FUT9: variants seen among roughly 807,000 people sequenced by gnomAD.
FUT9 encodes the protein 4-galactosyl-N-acetylglucosaminide 3-alpha-L-fucosyltransferase 9.
In FUT9, 15 loss-of-function variants were observed where a neutral mutation model predicts 29.7. That is an observed-to-expected ratio of 0.51 (90% CI 0.34 to 0.78). The LOEUF (loss-of-function observed/expected upper bound fraction) is 0.78. Among genes scored for constraint, FUT9 ranks in the 30% least tolerant of loss-of-function variants. FUT9 has a pLI of 0.01. For missense variants in FUT9, 319 were observed against 425.4 expected, an observed-to-expected ratio of 0.75 and a Z score of 2.20; for synonymous variants, 169 against 153.7, an observed-to-expected ratio of 1.10 and a Z score of -0.74.
intron 2 of FUT9, among the ~76,000 whole-genome samples, chr6:96,170,150 C>T (rs1562150536): frequency 6.6e-6 from 1 of 152,118 alleles, no homozygotes; most frequent in Non-Finnish European, 1.5e-5. Context: ...AGCTCAATTT[C>T]ACTTTGCCAT....
At chr6:96,159,673 A>G (rs990875426) in intron 2 of FUT9, among the ~76,000 whole-genome samples, 3 of 152,130 alleles carry the variant, frequency 2.0e-5, no homozygotes, top group Non-Finnish European at 4.4e-5. Flanking sequence ...TGCTGGAGCC[A>G]GGATCCAAGT....
At chr6:96,026,444 GT>G (rs1333520436) in intron 1 of FUT9, among the ~76,000 whole-genome samples, 6 of 151,614 alleles carry the variant, frequency 4.0e-5, no homozygotes, top group African/African-American at 1.5e-4. Flanking sequence ...CATAGGGCGT[GT>G]TAAAGAATTG....
intron 2 of FUT9, among the ~76,000 whole-genome samples, chr6:96,172,101 T>A (rs1057135560): frequency 3.3e-5 from 5 of 152,068 alleles, no homozygotes; most frequent in Non-Finnish European, 7.4e-5. Flanking sequence ...TGGTGAAGGA[T>A]CTCTTCTGTT....
At chr6:96,040,353 A>G (rs1284613851) in intron 1 of FUT9, among the ~76,000 whole-genome samples, 1 of 152,216 alleles carries the variant, frequency 6.6e-6, no homozygotes, top group Non-Finnish European at 1.5e-5. Flanking sequence ...TAAAAAGAGC[A>G]CTGCTTATTA....
chr6:96,142,516 A>G (rs952408002), intron 2 of FUT9, among the ~76,000 whole-genome samples: 4 of 152,212 alleles, frequency 2.6e-5, no homozygotes, highest in Admixed American at 6.5e-5. Context: ...ACAGACTTCA[A>G]TGAAGTGCTA....
intron 2 of FUT9, among the ~76,000 whole-genome samples, chr6:96,143,923 A>C (rs1772515528): frequency 6.6e-6 from 1 of 152,112 alleles, no homozygotes; most frequent in Non-Finnish European, 1.5e-5. Context: ...AATTTTTACC[A>C]CTTGGAAATA....
chr6:96,025,567 C>T (rs1770153528), intron 1 of FUT9, among the ~76,000 whole-genome samples: 3 of 151,554 alleles, frequency 2.0e-5, no homozygotes, highest in South Asian at 2.1e-4. Flanking sequence ...TGTAAATAAG[C>T]GAGGTCGTGG....
intron 2 of FUT9, among the ~76,000 whole-genome samples, chr6:96,136,655 C>T (rs1469285135): frequency 6.6e-6 from 1 of 151,884 alleles, no homozygotes; most frequent in African/African-American, 2.4e-5. Flanking sequence ...GGAATATCTT[C>T]TTCACAGCAT....
At chr6:96,165,396 A>T (rs1364717548) in intron 2 of FUT9, among the ~76,000 whole-genome samples, 2 of 151,072 alleles carry the variant, frequency 1.3e-5, no homozygotes, top group Non-Finnish European at 1.5e-5. Flanking sequence ...ACACCACTGC[A>T]CTCCAGCCTG....
At chr6:96,199,607 T>G (rs1215386093) in intron 2 of FUT9, among the ~76,000 whole-genome samples, 2 of 152,060 alleles carry the variant, frequency 1.3e-5, no homozygotes, top group Non-Finnish European at 2.9e-5. Flanking sequence ...GATGCTAACT[T>G]TGAGACAAAA....
chr6:96,096,683 C>CGTGTGTGTGT (rs1485446008), intron 1 of FUT9, among the ~76,000 whole-genome samples: 1 of 5,150 alleles, frequency 1.9e-4, no homozygotes, highest in East Asian at 4.5e-3. Context: ...GTGTCTAAGG[C>CGTGTGTGTGT]ATGTGTGTGT....
chr6:96,072,280 T>A (rs529259031), intron 1 of FUT9, among the ~76,000 whole-genome samples: 9 of 152,300 alleles, frequency 5.9e-5, no homozygotes, highest in African/African-American at 2.2e-4. Flanking sequence ...TCTTATCTTA[T>A]TTCGTACCAC....
intron 1 of FUT9, among the ~76,000 whole-genome samples, chr6:96,034,697 C>T (rs1770321461): frequency 6.6e-6 from 1 of 151,528 alleles, no homozygotes; most frequent in African/African-American, 2.4e-5. Context: ...CTTAGAAGAC[C>T]ACCACCTACA....
chr6:96,095,867 C>T (rs1208968379), intron 1 of FUT9, among the ~76,000 whole-genome samples: 1 of 152,090 alleles, frequency 6.6e-6, no homozygotes, highest in Non-Finnish European at 1.5e-5. Context: ...GTCTACCTCT[C>T]TTTTACCTCA....
At chr6:96,111,868 T>A (rs1771815180) in intron 1 of FUT9, among the ~76,000 whole-genome samples, 1 of 152,202 alleles carries the variant, frequency 6.6e-6, no homozygotes, top group South Asian at 2.1e-4. Flanking sequence ...CTAGTTTTTA[T>A]TTAGTGATTA....
chr6:96,129,888 A>T (rs1198801668), intron 2 of FUT9, among the ~76,000 whole-genome samples: 1 of 152,132 alleles, frequency 6.6e-6, no homozygotes, highest in African/African-American at 2.4e-5. Flanking sequence ...TCAATTAGTG[A>T]TAGTGTTCTG....
intron 1 of FUT9, among the ~76,000 whole-genome samples, chr6:96,106,534 CTT>C (rs1361959515): frequency 6.6e-6 from 1 of 152,134 alleles, no homozygotes; most frequent in African/African-American, 2.4e-5. Context: ...GTTATACAAT[CTT>C]TGGCTGACTT....
At chr6:96,095,465 C>G (rs567934624) in intron 1 of FUT9, among the ~76,000 whole-genome samples, 4 of 152,218 alleles carry the variant, frequency 2.6e-5, no homozygotes, top group African/African-American at 7.2e-5. Flanking sequence ...TCTAACATAC[C>G]AACAGCTGCT....
At chr6:96,174,671 T>C (rs966376424) in intron 2 of FUT9, among the ~76,000 whole-genome samples, 3 of 152,130 alleles carry the variant, frequency 2.0e-5, no homozygotes, top group African/African-American at 7.2e-5. Context: ...CAGTTCATCA[T>C]TGTGCTTTTA....
Sources: gnomAD v4.1 joint callset for allele counts (sites outside exome capture counted in the v4.1 genomes callset) on GRCh38, gnomAD v4.1.1 for gene constraint, MANE v1.5 for transcripts, NCBI Gene and HGNC (gene_info 2026-07-23, HGNC 2026-07-21) for gene names.